Variants in UNC5C observed in about 807,000 individuals in gnomAD.
The protein encoded by UNC5C is unc-5 netrin receptor C, also known as netrin receptor UNC5C.
UNC5C carries 47 observed loss-of-function variants against 99.8 expected under a neutral mutation model. The ratio of observed to expected loss-of-function variants is 0.47; its 90% CI spans 0.37 to 0.60. The LOEUF is 0.60. UNC5C is among the 20% of genes least tolerant of loss of function. UNC5C has a pLI of 0.00. For missense variants in UNC5C, 1,062 were observed against 1,165.9 expected (o/e 0.91, Z 1.30); for synonymous variants, 487 against 452.2 (o/e 1.08, Z -0.98).
chr4:95,514,275 A>G (rs954557038), intron 1 of UNC5C, among the ~76,000 whole-genome samples: 16 of 152,208 alleles, frequency 1.1e-4, no homozygotes, highest in African/African-American at 3.9e-4. Flanking sequence ...GTCTATATTC[A>G]GTTTGTGCAT....
At chr4:95,266,752 G>A (rs1463649509) in intron 4 of UNC5C, among the ~76,000 whole-genome samples, 2 of 152,090 alleles carry the variant, frequency 1.3e-5, no homozygotes, top group African/African-American at 2.4e-5. Context: ...AAAATGCTCT[G>A]TTACCTCTTT....
At chr4:95,221,257 G>A (rs1396520987) in intron 7 of UNC5C, among the ~76,000 whole-genome samples, 3 of 152,194 alleles carry the variant, frequency 2.0e-5, no homozygotes, top group African/African-American at 7.2e-5. Context: ...TCCACTCACT[G>A]TAAAAGAGGT....
chr4:95,245,163 T>C lies in UNC5C; in HGVS notation c.776-19A>G. On this transcript the variant is annotated intron_variant, in intron 5 of 15. Coordinates refer to ENST00000453304, the MANE Select transcript of UNC5C (RefSeq NM_003728.4). ...CCGTTGACTGAAAGGAGGCAAACAG[T>C]AAAAAGTGGATTAAACATGTGTGCA... 1.2e-6 allele frequency: 2 copies of C among 1,605,868 alleles called. No homozygotes were observed. Among genetic ancestry groups the C allele is most frequent in the Non-Finnish European group, 1.7e-6 (2 of 1,177,342 alleles).
chr4:95,285,710 A>G (rs1741207071), intron 3 of UNC5C, among the ~76,000 whole-genome samples: 1 of 152,236 alleles, frequency 6.6e-6, no homozygotes, highest in African/African-American at 2.4e-5. Context: ...ATTAAAACCC[A>G]GCATTAAAAA....
At chr4:95,208,983 C>T (rs1232797277) in intron 10 of UNC5C, among the ~76,000 whole-genome samples, 5 of 152,124 alleles carry the variant, frequency 3.3e-5, no homozygotes, top group African/African-American at 1.2e-4. Flanking sequence ...ATGGATTTCT[C>T]ATGTTTATGC....
At chr4:95,325,269 A>G (rs1256466497) in intron 2 of UNC5C, among the ~76,000 whole-genome samples, 1 of 152,192 alleles carries the variant, frequency 6.6e-6, no homozygotes, top group Non-Finnish European at 1.5e-5. Flanking sequence ...ACCACTTGGA[A>G]AAACCATTTG....
chr4:95,445,381 C>A (rs779157160), intron 1 of UNC5C, among the ~76,000 whole-genome samples: 3 of 151,340 alleles, frequency 2.0e-5, no homozygotes, highest in Non-Finnish European at 2.9e-5. Context: ...GGAGGGAATG[C>A]AGCTGAATGC....
At chr4:95,199,644 G>C (rs1426642718) in intron 12 of UNC5C, among the ~76,000 whole-genome samples, 1 of 152,112 alleles carries the variant, frequency 6.6e-6, no homozygotes, top group South Asian at 2.1e-4. Flanking sequence ...TTCTATTTTT[G>C]CATGTATTTG....
chr4:95,369,845 C>T (rs535589298), intron 1 of UNC5C, among the ~76,000 whole-genome samples: 5 of 151,058 alleles, frequency 3.3e-5, no homozygotes, highest in East Asian at 1.9e-4. Context: ...AGGAAGAAAA[C>T]GAGTTGAAAT....
At chr4:95,475,575 G>A (rs915705241) in intron 1 of UNC5C, among the ~76,000 whole-genome samples, 1 of 151,950 alleles carries the variant, frequency 6.6e-6, no homozygotes, top group Non-Finnish European at 1.5e-5. Flanking sequence ...ATTTGAAATA[G>A]ATATATATTC....
chr4:95,314,005 T>A (rs1199500085), intron 2 of UNC5C, among the ~76,000 whole-genome samples: 1 of 152,078 alleles, frequency 6.6e-6, no homozygotes, highest in East Asian at 1.9e-4. Flanking sequence ...AGGAACGAAA[T>A]AACAGTTATG....
Position 95,179,746 on chromosome 4 carries a change from C to CAAA in UNC5C, c.2451+3148_2451+3150dup, listed in dbSNP as rs33974336. On this transcript the variant is annotated intron_variant, in intron 14 of 15. Coordinates refer to ENST00000453304, the MANE Select transcript of UNC5C (RefSeq NM_003728.4). ...TGGGCCACAGAGCAAGACTCCTTCT[C>CAAA]AAAAAAAAAAAAAAAAAAAGAAAAA... 4.4e-3 allele frequency among the ~76,000 whole-genome samples: 433 copies of CAAA among 98,258 alleles called. 2 individuals are homozygous for CAAA. The highest frequency in any genetic ancestry group is 7.7e-3 in the African/African-American group (161 of 20,832). The allele number at this position is 98,258 out of a possible 152,430, so 64.5% of individuals were successfully genotyped here.
chr4:95,478,976 A>G (rs1392773124), intron 1 of UNC5C, among the ~76,000 whole-genome samples: 2 of 151,916 alleles, frequency 1.3e-5, no homozygotes, highest in Non-Finnish European at 2.9e-5. Flanking sequence ...ATCATGTGAC[A>G]CACTGGCTCT....
chr4:95,546,385 A>G (rs573536432), intron 1 of UNC5C, among the ~76,000 whole-genome samples: 1 of 152,350 alleles, frequency 6.6e-6, no homozygotes, highest in East Asian at 1.9e-4. Flanking sequence ...GGGTTACTGT[A>G]CTGCAGTGAT....
At chr4:95,336,244 A>G (rs1743333520) in intron 1 of UNC5C, among the ~76,000 whole-genome samples, 1 of 151,936 alleles carries the variant, frequency 6.6e-6, no homozygotes, top group Admixed American at 6.6e-5. Context: ...GCATGATTCA[A>G]AATAAAAAAT....
chr4:95,500,266 T>C (rs1391496908), intron 1 of UNC5C, among the ~76,000 whole-genome samples: 5 of 152,208 alleles, frequency 3.3e-5, no homozygotes, highest in African/African-American at 2.4e-5. Context: ...GTCTCCAGTT[T>C]TGAAGGAGTT....
intron 2 of UNC5C, among the ~76,000 whole-genome samples, chr4:95,319,476 T>A (rs939461131): frequency 6.6e-6 from 1 of 152,236 alleles, no homozygotes; most frequent in Non-Finnish European, 1.5e-5. Flanking sequence ...AGATACTGTA[T>A]TTCCTACATG....
chr4:95,424,676 C>T (rs1447761207), intron 1 of UNC5C, among the ~76,000 whole-genome samples: 1 of 151,342 alleles, frequency 6.6e-6, no homozygotes, highest in Non-Finnish European at 1.5e-5. Flanking sequence ...TGCCCCCCAC[C>T]ACGCCCAGCT....
At chr4:95,322,949 A>G (rs1206613209) in intron 2 of UNC5C, among the ~76,000 whole-genome samples, 1 of 151,912 alleles carries the variant, frequency 6.6e-6, no homozygotes, top group Non-Finnish European at 1.5e-5. Context: ...AAAAAAAAAA[A>G]AAAAGAAAAG....
Sources: gnomAD v4.1 joint callset for allele counts (sites outside exome capture counted in the v4.1 genomes callset) on GRCh38, gnomAD v4.1.1 for gene constraint, MANE v1.5 for transcripts, NCBI Gene and HGNC (gene_info 2026-07-23, HGNC 2026-07-21) for gene names.